CHN1: variants seen among roughly 807,000 people sequenced by gnomAD.
The protein encoded by CHN1 is N-chimaerin.
In CHN1, 37 loss-of-function variants were observed where a neutral mutation model predicts 59.5. The observed-to-expected ratio is 0.62, with a 90% CI of 0.48 to 0.82. The LOEUF (loss-of-function observed/expected upper bound fraction) is 0.82. CHN1 is among the 40% of genes least tolerant of loss of function. The probability of loss-of-function intolerance (pLI) is 0.00; values close to 1 mark genes in which losing one functional copy is unlikely to be tolerated. For missense variants in CHN1, 469 were observed against 571.0 expected (o/e 0.82, Z 1.82); for synonymous variants, 206 against 200.4 (o/e 1.03, Z -0.24).
At chr2:174,897,926 C>T (rs1419674096) in intron 5 of CHN1, among the ~76,000 whole-genome samples, 1 of 152,184 alleles carries the variant, frequency 6.6e-6, no homozygotes, top group Non-Finnish European at 1.5e-5. Flanking sequence ...TCTTTTATTT[C>T]TGCCGCAGAG....
chr2:174,800,203 T>A lies in CHN1; in HGVS notation c.1293A>T (p.Glu431Asp), dbSNP rs745464331. 1 of 1,522,804 alleles carries A rather than the reference T, an allele frequency of 6.6e-7. No individual in the cohort carries two copies. Among genetic ancestry groups the A allele is most frequent in the South Asian group, 1.4e-5 (1 of 72,328 alleles). 94.3% of individuals were successfully genotyped at this position (1,522,804 alleles called of 1,614,324 possible). The change falls in exon 13 of 13, where the codon GAA becomes GAT. Residue 431 changes from glutamate (E) to aspartate (D), a missense_variant. By Grantham distance (45) the Glu-to-Asp change is conservative. This residue lies in a region of CHN1 where 225 missense variants were observed against 289.9 expected (regional missense o/e 0.78). Coordinates refer to ENST00000409900, the MANE Select transcript of CHN1 (RefSeq NM_001822.7). ...VFGPTLMRSP[E>D]LDAMAALNDI... Reference sequence around the variant, plus strand: ...CATTCAATGCAGCCATGGCGTCTAGTTCTGGAGATCTCATAAGGGTGGGTC... The same window carrying A: ...CATTCAATGCAGCCATGGCGTCTAGATCTGGAGATCTCATAAGGGTGGGTC...
At chr2:174,907,847 A>G (rs1688585368) in intron 5 of CHN1, among the ~76,000 whole-genome samples, 2 of 152,102 alleles carry the variant, frequency 1.3e-5, no homozygotes, top group Admixed American at 1.3e-4. Flanking sequence ...AATAAATTTT[A>G]TTTTTCAGAT....
chr2:174,899,930 A>G (rs1036388841), intron 5 of CHN1, among the ~76,000 whole-genome samples: 1 of 152,208 alleles, frequency 6.6e-6, no homozygotes, highest in Non-Finnish European at 1.5e-5. Context: ...TAGGGAAATA[A>G]CAAACTGTCA....
intron 5 of CHN1, among the ~76,000 whole-genome samples, chr2:174,883,893 C>T (rs1163340485): frequency 1.7e-5 from 2 of 115,240 alleles, no homozygotes; most frequent in Admixed American, 1.7e-4. Flanking sequence ...TTTTAAAGAA[C>T]AAAAAGACAA....
chr2:174,847,247 G>T lies in CHN1; in HGVS notation c.550-290C>A, dbSNP rs570520553. On this transcript the variant is annotated intron_variant, in intron 6 of 12. Coordinates refer to ENST00000409900, the MANE Select transcript of CHN1 (RefSeq NM_001822.7). The stretch of plus-strand genomic sequence containing the variant: ...ACAGAACCCTAACCTACAGAGAGCT[G>T]CAGAGAAACACCACGGAGAGGTGGA... 544 of 1,406,006 alleles carry T rather than the reference G, an allele frequency of 3.9e-4. 7 individuals are homozygous for T. In the South Asian group the frequency reaches 8.8e-3, roughly 23 times the overall value. 87.1% of individuals were successfully genotyped at this position (1,406,006 alleles called of 1,614,324 possible).
chr2:174,899,585 A>C (rs1270637339), intron 5 of CHN1, among the ~76,000 whole-genome samples: 1 of 152,228 alleles, frequency 6.6e-6, no homozygotes, highest in East Asian at 1.9e-4. Context: ...ATAACATAAT[A>C]TTCTCAATTG....
At chr2:175,000,846 A>G (rs1691867861) in intron 1 of CHN1, among the ~76,000 whole-genome samples, 1 of 152,056 alleles carries the variant, frequency 6.6e-6, no homozygotes, top group Non-Finnish European at 1.5e-5. Flanking sequence ...AGGCCCCCCA[A>G]AGTGCCAGGA....
intron 4 of CHN1, among the ~76,000 whole-genome samples, chr2:174,917,671 T>A (rs535212138): frequency 6.6e-6 from 1 of 152,262 alleles, no homozygotes; most frequent in South Asian, 2.1e-4. Context: ...TAAATTACAA[T>A]ACAACCTTAA....
intron 7 of CHN1, among the ~76,000 whole-genome samples, chr2:174,826,047 C>T (rs1306290879): frequency 6.6e-6 from 1 of 152,194 alleles, no homozygotes; most frequent in Admixed American, 6.5e-5. Flanking sequence ...ACCCTGGGTT[C>T]ATTCAAAGCA....
chr2:174,989,860 A>C (rs369740670), intron 1 of CHN1, among the ~76,000 whole-genome samples: 33 of 152,256 alleles, frequency 2.2e-4, no homozygotes, highest in African/African-American at 7.9e-4. Flanking sequence ...TTTGGGACAG[A>C]TCTTTTACAA....
At chr2:174,881,527 C>T (rs751507037) in intron 5 of CHN1, among the ~76,000 whole-genome samples, 16 of 152,160 alleles carry the variant, frequency 1.1e-4, no homozygotes, top group Non-Finnish European at 2.1e-4. Context: ...TAAGTCAAAG[C>T]TAAATATATA....
intron 5 of CHN1, among the ~76,000 whole-genome samples, chr2:174,901,262 C>A (rs896809289): frequency 6.6e-6 from 1 of 152,326 alleles, no homozygotes; most frequent in East Asian, 1.9e-4. Flanking sequence ...CGGCCACCCT[C>A]TTCTTTCAGT....
intron 3 of CHN1, among the ~76,000 whole-genome samples, chr2:174,943,328 G>C (rs533353805): frequency 1.1e-4 from 16 of 151,988 alleles, no homozygotes; most frequent in African/African-American, 3.9e-4. Context: ...CCGGGTTCAA[G>C]CGATTCTCCT....
At chr2:174,885,915 T>C (rs977561726) in intron 5 of CHN1, among the ~76,000 whole-genome samples, 1 of 152,240 alleles carries the variant, frequency 6.6e-6, no homozygotes, top group Non-Finnish European at 1.5e-5. Flanking sequence ...GTATTTTACA[T>C]GCATTCCAAT....
intron 8 of CHN1, among the ~76,000 whole-genome samples, chr2:174,823,035 T>G (rs983864060): frequency 1.3e-5 from 2 of 152,220 alleles, no homozygotes; most frequent in Admixed American, 1.3e-4. Flanking sequence ...AACATTTCCA[T>G]GCAATACATA....
intron 6 of CHN1, among the ~76,000 whole-genome samples, chr2:174,868,823 T>A (rs527522799): frequency 4.9e-4 from 75 of 152,310 alleles, no homozygotes; most frequent in Admixed American, 1.2e-3. Flanking sequence ...GAAATCTAAA[T>A]GTTGTAGTGG....
rs186210242 is a variant in CHN1 at position 174,912,931 on chromosome 2, T to C, written c.260+2127A>G. Among the ~76,000 whole-genome samples the C allele has an allele frequency of 4.0e-4, 61 of 152,296 alleles. 1 individual carries two copies. Among genetic ancestry groups the C allele is most frequent in the Admixed American group, 1.9e-3 (29 of 15,300 alleles). Reference sequence around the variant, plus strand: ...AAGACTGTAAGTTACCCCAGAGATATTAATTTGAAACATTTCCATCAAGAT... The same window carrying C: ...AAGACTGTAAGTTACCCCAGAGATACTAATTTGAAACATTTCCATCAAGAT... On this transcript the variant is annotated intron_variant, in intron 5 of 12. Coordinates refer to ENST00000409900, the MANE Select transcript of CHN1 (RefSeq NM_001822.7).
intron 1 of CHN1, among the ~76,000 whole-genome samples, chr2:174,999,060 CT>C (rs570472669): frequency 6.6e-6 from 1 of 151,676 alleles, no homozygotes; most frequent in Non-Finnish European, 1.5e-5. Flanking sequence ...TTTTGTCAGG[CT>C]TTTTTTTCTA....
intron 5 of CHN1, among the ~76,000 whole-genome samples, chr2:174,887,900 C>T (rs1180802756): frequency 6.6e-6 from 1 of 152,130 alleles, no homozygotes; most frequent in East Asian, 1.9e-4. Flanking sequence ...TATATGCCAA[C>T]CACTGCAAAA....
Sources: allele counts gnomAD v4.1 joint callset (sites outside exome capture counted in the v4.1 genomes callset), GRCh38; gene constraint gnomAD v4.1.1; regional missense constraint gnomAD v4.1.1; transcripts MANE v1.5; gene names NCBI Gene and HGNC (gene_info 2026-07-23, HGNC 2026-07-21).